GRIK2: variants seen among roughly 807,000 people sequenced by gnomAD.
GRIK2 encodes the protein glutamate receptor ionotropic, kainate 2.
In GRIK2, 32 loss-of-function variants were observed where a neutral mutation model predicts 100.3. That is an observed-to-expected ratio of 0.32 (90% CI 0.24 to 0.43). GRIK2 has a LOEUF of 0.43. Ranked by LOEUF, GRIK2 falls within the 20% of genes least tolerant of loss-of-function variation. GRIK2 has a pLI of 1.00. For missense variants in GRIK2, 843 were observed against 1,114.9 expected (o/e 0.76, Z 3.47); for synonymous variants, 417 against 389.4 (o/e 1.07, Z -0.83).
intron 7 of GRIK2, among the ~76,000 whole-genome samples, chr6:101,709,648 T>A (rs912997707): frequency 6.6e-6 from 1 of 151,754 alleles, no homozygotes; most frequent in African/African-American, 2.4e-5. Flanking sequence ...AGAAAAAAAA[T>A]GCTTTAAAAT....
chr6:101,948,857 G>C (rs1238790701), intron 14 of GRIK2, among the ~76,000 whole-genome samples: 1 of 151,962 alleles, frequency 6.6e-6, no homozygotes, highest in Non-Finnish European at 1.5e-5. Flanking sequence ...ATATCAAATT[G>C]CCAATATGAG....
intron 2 of GRIK2, among the ~76,000 whole-genome samples, chr6:101,497,136 C>T (rs1773486890): frequency 6.6e-6 from 1 of 152,180 alleles, no homozygotes; most frequent in Non-Finnish European, 1.5e-5. Flanking sequence ...TAATCTGCTT[C>T]ATTAAGCAAG....
chr6:101,569,795 A>C (rs1313912920), intron 2 of GRIK2, among the ~76,000 whole-genome samples: 3 of 152,234 alleles, frequency 2.0e-5, no homozygotes, highest in African/African-American at 7.2e-5. Flanking sequence ...TGATTGTAAT[A>C]AGGTGAGTAA....
chr6:101,882,382 C>T (rs1056143066), intron 11 of GRIK2, among the ~76,000 whole-genome samples: 10 of 151,984 alleles, frequency 6.6e-5, no homozygotes, highest in Non-Finnish European at 1.5e-4. Context: ...TAATATCCTC[C>T]CCCAAAACTC....
At chr6:101,511,629 C>T (rs1030138880) in intron 2 of GRIK2, among the ~76,000 whole-genome samples, 49 of 151,634 alleles carry the variant, frequency 3.2e-4, no homozygotes, top group Admixed American at 2.7e-3. Flanking sequence ...AAGGAAATAA[C>T]GAAACTCAAA....
At chr6:101,984,212 C>G (rs1793883853) in intron 14 of GRIK2, among the ~76,000 whole-genome samples, 1 of 151,268 alleles carries the variant, frequency 6.6e-6, no homozygotes, top group Non-Finnish European at 1.5e-5. Context: ...GGGAAAAGAC[C>G]AGCACTTTGA....
intron 4 of GRIK2, among the ~76,000 whole-genome samples, chr6:101,663,323 T>G (rs1009571336): frequency 6.6e-5 from 10 of 152,052 alleles, no homozygotes; most frequent in Admixed American, 2.0e-4. Context: ...TCTGGAGAGC[T>G]GAAGTTGGGT....
intron 7 of GRIK2, among the ~76,000 whole-genome samples, chr6:101,764,141 C>A (rs1035019157): frequency 2.0e-4 from 31 of 152,236 alleles, no homozygotes; most frequent in Non-Finnish European, 3.8e-4. Flanking sequence ...GTCAGAGAAT[C>A]TCAGGGCTAT....
intron 11 of GRIK2, among the ~76,000 whole-genome samples, chr6:101,866,478 A>G (rs1237900120): frequency 6.6e-6 from 1 of 152,120 alleles, no homozygotes; most frequent in East Asian, 1.9e-4. Flanking sequence ...TAGTTCATGT[A>G]TTTTCTTTCC....
intron 2 of GRIK2, among the ~76,000 whole-genome samples, chr6:101,472,746 A>G (rs1280828545): frequency 2.0e-5 from 3 of 151,958 alleles, no homozygotes; most frequent in Non-Finnish European, 3.0e-5. Flanking sequence ...TAAAATCATT[A>G]TGCAGTTTGT....
chr6:101,720,311 A>T (rs895853312), intron 7 of GRIK2, among the ~76,000 whole-genome samples: 1 of 151,896 alleles, frequency 6.6e-6, no homozygotes, highest in Non-Finnish European at 1.5e-5. Flanking sequence ...CATTTAAAAC[A>T]TTTTCCCATT....
chr6:101,412,870 A>G (rs1349488294), intron 2 of GRIK2, among the ~76,000 whole-genome samples: 1 of 152,046 alleles, frequency 6.6e-6, no homozygotes, highest in Non-Finnish European at 1.5e-5. Flanking sequence ...TAAATGTAGA[A>G]TGTGAAAAAA....
At chr6:101,808,854 G>A (rs1781157531) in intron 9 of GRIK2, among the ~76,000 whole-genome samples, 1 of 151,670 alleles carries the variant, frequency 6.6e-6, no homozygotes, top group South Asian at 2.1e-4. Context: ...CAATCACAAT[G>A]TGTTTGCCCC....
At chr6:101,798,693 A>C (rs1284240441) in intron 7 of GRIK2, among the ~76,000 whole-genome samples, 3 of 151,852 alleles carry the variant, frequency 2.0e-5, no homozygotes, top group Non-Finnish European at 4.4e-5. Context: ...TTTTATTCTA[A>C]AGCATGCCAA....
intron 14 of GRIK2, among the ~76,000 whole-genome samples, chr6:101,932,983 T>C (rs1790382337): frequency 1.3e-5 from 2 of 151,962 alleles, no homozygotes; most frequent in Admixed American, 6.6e-5. Flanking sequence ...AATCTACTTA[T>C]ACTGTAAAAG....
intron 7 of GRIK2, among the ~76,000 whole-genome samples, chr6:101,716,655 C>CAGTTAATGACAGTTAATGTAAATGA (rs1774089734): frequency 1.3e-5 from 2 of 150,984 alleles, no homozygotes; most frequent in East Asian, 4.0e-4. Flanking sequence ...ATGTAAATGA[C>CAGTTAATGACAGTTAATGTAAATGA]CAGTTAATGG....
At chr6:101,420,809 T>G (rs923213335) in intron 2 of GRIK2, among the ~76,000 whole-genome samples, 3 of 152,188 alleles carry the variant, frequency 2.0e-5, no homozygotes, top group Non-Finnish European at 4.4e-5. Context: ...GAAGGTTTTT[T>G]TAGAGGTATT....
chr6:102,037,222 C>T lies in GRIK2; in HGVS notation c.2311+1656C>T, dbSNP rs952936280. The stretch of plus-strand genomic sequence containing the variant: ...CATTATTGAAATGAAAAAAAACAAA[C>T]GAGTTCTTACTCCCAAAATAGGCAA... On this transcript the variant is annotated intron_variant, in intron 15 of 16. Coordinates refer to ENST00000369134, the MANE Select transcript of GRIK2 (RefSeq NM_021956.5). 8.0e-5 allele frequency among the ~76,000 whole-genome samples: 12 copies of T among 150,898 alleles called. No individual in the cohort carries two copies. In the South Asian group the frequency reaches 8.3e-4, roughly 10 times the overall value.
At chr6:101,637,228 G>A (rs1263839026) in intron 4 of GRIK2, among the ~76,000 whole-genome samples, 5 of 151,832 alleles carry the variant, frequency 3.3e-5, no homozygotes, top group Non-Finnish European at 7.4e-5. Flanking sequence ...CCTGTATGCT[G>A]TAGACTCACC....
Sources: gnomAD v4.1 joint callset for allele counts (sites outside exome capture counted in the v4.1 genomes callset) on GRCh38, gnomAD v4.1.1 for gene constraint, MANE v1.5 for transcripts, NCBI Gene and HGNC (gene_info 2026-07-23, HGNC 2026-07-21) for gene names.